Variants in STRBP observed in about 807,000 individuals in gnomAD.
The protein encoded by STRBP is spermatid perinuclear RNA binding protein.
Under a neutral mutation model 80.1 loss-of-function variants are expected in STRBP, and 13 were observed. That is an observed-to-expected ratio of 0.16 (90% CI 0.11 to 0.26). The LOEUF is 0.26. Among genes scored for constraint, STRBP ranks in the 10% least tolerant of loss-of-function variants. The pLI, the probability that STRBP is intolerant of heterozygous loss-of-function variation, is 1.00. For synonymous variants in STRBP, 284 were observed against 291.2 expected, an observed-to-expected ratio of 0.98 and a Z score of 0.25; for missense variants, 485 against 815.2, an observed-to-expected ratio of 0.59 and a Z score of 4.93.
intron 4 of STRBP, 102 bp from the exon 5 acceptor site, chr9:123,173,944 G>A (rs1032116819): frequency 7.9e-7 from 1 of 1,267,980 alleles, no homozygotes; most frequent in Non-Finnish European, 1.1e-6. Flanking sequence ...TGATAAGGGA[G>A]TATGTAAATC....
rs112138505 is a variant in STRBP, at chr9:123,257,417, A to AAC, written c.-302+11017_-302+11018dup. 4.1e-3 allele frequency among the ~76,000 whole-genome samples: 607 copies of AAC among 147,730 alleles called. 3 individuals carry two copies. The highest frequency in any genetic ancestry group is 9.1e-3 in the African/African-American group (370 of 40,464). The stretch of plus-strand genomic sequence containing the variant: ...GGTACTTACCTTTTTAAAACACACA[A>AAC]ACACACACACACACACACACAGACA... On this transcript the variant is annotated intron_variant, in intron 1 of 18. Coordinates refer to ENST00000348403, the MANE Select transcript of STRBP (RefSeq NM_018387.5).
intron 2 of STRBP, among the ~76,000 whole-genome samples, chr9:123,231,851 TCTC>T (rs892359823): frequency 8.5e-5 from 13 of 152,148 alleles, no homozygotes; most frequent in African/African-American, 3.1e-4. Context: ...GATCTCCCTC[TCTC>T]TGGTCTCTAA....
chr9:123,233,129 A>T (rs772022169), intron 2 of STRBP, among the ~76,000 whole-genome samples: 8 of 152,176 alleles, frequency 5.3e-5, no homozygotes, highest in African/African-American at 1.4e-4. Flanking sequence ...CTGGGAGTGC[A>T]GTGGCGTGAA....
intron 13 of STRBP, among the ~76,000 whole-genome samples, chr9:123,143,732 A>G (rs977677156): frequency 6.6e-6 from 1 of 152,236 alleles, no homozygotes; most frequent in Non-Finnish European, 1.5e-5. Flanking sequence ...GGATCACCAG[A>G]CAAGTTCAGA....
intron 8 of STRBP, 55 bp downstream of exon 8, chr9:123,160,311 AG>A (rs2037470813): frequency 1.5e-6 from 2 of 1,298,370 alleles, no homozygotes; most frequent in African/African-American, 1.5e-5. Context: ...TCATTTCTAC[AG>A]GATTTTCTCT....
At chr9:123,195,153 A>C (rs1342016585) in intron 2 of STRBP, among the ~76,000 whole-genome samples, 3 of 152,122 alleles carry the variant, frequency 2.0e-5, no homozygotes, top group African/African-American at 4.8e-5. Flanking sequence ...AAAAAACCAC[A>C]CAAGTTTGCT....
rs1223519069 is a variant in STRBP at position 123,158,218 on chromosome 9, T to C, written c.934-95A>G. On this transcript the variant is annotated intron_variant, in intron 10 of 18. Transcript: ENST00000348403. ...AAAAAGACACTCATAAATTCTGACA[T>C]TATAACAGCAGAAGTCCCTAACAAC... 11 of 1,477,912 alleles carry C rather than the reference T, an allele frequency of 7.4e-6. 1 individual carries two copies. The East Asian group carries it at 2.3e-4, about 30-fold the overall frequency. The allele number at this position is 1,477,912 out of a possible 1,614,324, so 91.5% of individuals were successfully genotyped here.
chr9:123,252,361 T>C (rs1007797374), intron 1 of STRBP, among the ~76,000 whole-genome samples: 1 of 152,212 alleles, frequency 6.6e-6, no homozygotes, highest in Non-Finnish European at 1.5e-5. Context: ...ACATAAGATA[T>C]TCATTTTAAA....
chr9:123,246,323 T>A (rs375376908), intron 1 of STRBP, among the ~76,000 whole-genome samples: 1 of 152,164 alleles, frequency 6.6e-6, no homozygotes, highest in Non-Finnish European at 1.5e-5. Context: ...GAACACCATA[T>A]ACACCCAAAC....
In STRBP at chr9:123,160,896, C is replaced by G. The variant is rs1391716689; in HGVS notation, c.627+81G>C. On this transcript the variant is annotated intron_variant, in intron 7 of 18. Transcript: ENST00000348403. ...AGCACCCCTCATTTTATGTAGTACA[C>G]AGAAACCAATTAAGTGGCAGGTGTT... 4 of 1,197,614 alleles carry G rather than the reference C, an allele frequency of 3.3e-6. No individual in the cohort carries two copies. In the African/African-American group the frequency reaches 4.7e-5, roughly 14 times the overall value. The allele number at this position is 1,197,614 out of a possible 1,614,324, so 74.2% of individuals were successfully genotyped here.
intron 2 of STRBP, among the ~76,000 whole-genome samples, chr9:123,225,284 T>C (rs1171399012): frequency 6.6e-6 from 1 of 152,204 alleles, no homozygotes; most frequent in Non-Finnish European, 1.5e-5. Context: ...ACTTATGATT[T>C]ATGTAGTTTG....
chr9:123,148,001 C>T (rs1407318783), intron 11 of STRBP, 131 bp from the exon 12 acceptor site: 1 of 711,454 alleles, frequency 1.4e-6, no homozygotes, highest in Admixed American at 3.1e-5. Context: ...TTTCACTGAT[C>T]AGTTAAATTA....
chr9:123,128,564 A>G (rs1016163424), intron 17 of STRBP, among the ~76,000 whole-genome samples: 7 of 152,208 alleles, frequency 4.6e-5, no homozygotes, highest in African/African-American at 1.7e-4. Flanking sequence ...TGGGTTCCCC[A>G]CTAGAGTAGC....
intron 1 of STRBP, among the ~76,000 whole-genome samples, chr9:123,250,281 C>T (rs1023549505): frequency 6.6e-6 from 1 of 152,190 alleles, no homozygotes; most frequent in Non-Finnish European, 1.5e-5. Flanking sequence ...ACCCAGCTGT[C>T]TTCTAGTAAG....
rs1278196521 is a variant in STRBP, at chr9:123,126,240, G to C, written c.1943-567C>G. On this transcript the variant is annotated intron_variant, in intron 18 of 18. Coordinates refer to ENST00000348403, the MANE Select transcript of STRBP (RefSeq NM_018387.5). The surrounding 1 kb of genome is among the most constrained non-coding windows in gnomAD (Gnocchi z 4.4). ...CATAGTCGAGCATGATTTGAAATCTGCTCCTCTTCCTATGCTAATATTTAA... is the reference window on the plus strand; with the variant it reads ...CATAGTCGAGCATGATTTGAAATCTCCTCCTCTTCCTATGCTAATATTTAA... Among the ~76,000 whole-genome samples, 1 of 152,196 alleles carries C rather than the reference G, an allele frequency of 6.6e-6. No individual in the cohort carries two copies. The highest frequency in any genetic ancestry group is 1.5e-5 in the Non-Finnish European group (1 of 68,040).
Position 123,122,195 on chromosome 9 carries a change from T to C in STRBP, c.*3402A>G. On this transcript the variant is annotated 3_prime_UTR_variant, in exon 19 of 19. Transcript: ENST00000348403. ...AATCAGAAAATAAAAGAGCTTACCT[T>C]TGTATACTGAGATCACAGCTTACAG... 1 of 609,344 alleles carries C rather than the reference T, an allele frequency of 1.6e-6. No homozygotes were observed. The highest frequency in any genetic ancestry group is 2.0e-5 in the African/African-American group (1 of 51,206). 37.7% of individuals were successfully genotyped at this position (609,344 alleles called of 1,614,324 possible). A position where few individuals can be genotyped will look rare whatever the true frequency, so the allele number is the denominator to read the frequency against.
intron 2 of STRBP, among the ~76,000 whole-genome samples, chr9:123,202,687 TAA>T (rs966449455): frequency 3.3e-5 from 5 of 152,102 alleles, no homozygotes; most frequent in East Asian, 1.9e-4. Flanking sequence ...TAAAAATAGA[TAA>T]AAGAGTATAA....
Position 123,147,020 on chromosome 9 carries a change from T to A in STRBP, c.1173A>T (p.Ala391=), listed in dbSNP as rs2036840865. ...LDSKAIDLMN[A]LMRLNQIRPG... is the part of the protein sequence containing the mutation. ...GCCTGATCTGATTTAGCCTCATTAGTGCATTCATAAGGTCTATTGCTTTAC... is the reference window on the plus strand; with the variant it reads ...GCCTGATCTGATTTAGCCTCATTAGAGCATTCATAAGGTCTATTGCTTTAC... Residue 391 remains alanine (A), a synonymous_variant, in exon 13 of 19, where the codon GCA becomes GCT. Transcript: ENST00000348403. 6.2e-7 allele frequency: 1 copy of A among 1,613,892 alleles called. No individual in the cohort carries two copies. The highest frequency in any genetic ancestry group is 1.1e-5 in the South Asian group (1 of 91,084).
At chr9:123,175,578 G>A (rs886309995) in intron 4 of STRBP, among the ~76,000 whole-genome samples, 3 of 152,150 alleles carry the variant, frequency 2.0e-5, no homozygotes, top group African/African-American at 4.8e-5. Flanking sequence ...TTTAAAGCAG[G>A]TGACCAAGTG....
Sources: gnomAD v4.1 joint callset for allele counts (sites outside exome capture counted in the v4.1 genomes callset) on GRCh38, gnomAD v4.1.1 for gene constraint, Gnocchi (gnomAD v3.1) non-coding constraint, MANE v1.5 for transcripts, NCBI Gene and HGNC (gene_info 2026-07-23, HGNC 2026-07-21) for gene names.